BTG4: variants seen among roughly 807,000 people sequenced by gnomAD.
BTG4 encodes BTG anti-proliferation factor 4, also known as protein BTG4.
Under a neutral mutation model 19.3 loss-of-function variants are expected in BTG4, and 10 were observed. The observed-to-expected ratio is 0.52, with a 90% confidence interval of 0.32 to 0.88. The LOEUF is 0.88. Ranked by LOEUF, BTG4 falls within the 40% of genes least tolerant of loss-of-function variation. The pLI is 0.04. For synonymous variants in BTG4, 91 were observed against 95.7 expected (o/e 0.95, Z 0.29); for missense variants, 238 against 281.9 (o/e 0.84, Z 1.11).
the BTG4 span, among the ~76,000 whole-genome samples, chr11:111,432,224 C>T: frequency 7.1e-4 from 108 of 152,288 alleles, no homozygotes; most frequent in Middle Eastern, 3.4e-3. Context: ...CAGGGTATTT[C>T]GCTGTGGAGC....
At chr11:111,431,299 T>TTTTG in the BTG4 span, among the ~76,000 whole-genome samples, 2 of 152,184 alleles carry the variant, frequency 1.3e-5, no homozygotes, top group African/African-American at 4.8e-5. Flanking sequence ...TTGGAGCCCT[T>TTTTG]GATGTGTCAG....
the BTG4 span, among the ~76,000 whole-genome samples, chr11:111,391,986 G>C: frequency 1.3e-5 from 2 of 152,024 alleles, no homozygotes; most frequent in Non-Finnish European, 2.9e-5. Context: ...CAGTCACACA[G>C]TAAGCACTCA....
At chr11:111,454,949 AC>A in the BTG4 span, 3 of 455,736 alleles carry the variant, frequency 6.6e-6, no homozygotes, top group African/African-American at 6.0e-5. Context: ...CACTCAATCC[AC>A]CCTCTCTCAC....
At chr11:111,467,479 G>T, downstream of BTG4, 1 of 499,616 alleles carries the variant, frequency 2.0e-6, no homozygotes, top group Non-Finnish European at 3.5e-6. Flanking sequence ...CATCAATTTG[G>T]CTGATGCCAC....
At chr11:111,432,066 G>A in the BTG4 span, among the ~76,000 whole-genome samples, 2 of 152,200 alleles carry the variant, frequency 1.3e-5, no homozygotes, top group Admixed American at 1.3e-4. Flanking sequence ...GCACTTATGA[G>A]TACCTACTAT....
the BTG4 span, among the ~76,000 whole-genome samples, chr11:111,427,532 A>G: frequency 6.6e-6 from 1 of 152,220 alleles, no homozygotes; most frequent in African/African-American, 2.4e-5. Context: ...TCTGCCGCTA[A>G]TCCACCCTTT....
chr11:111,460,826 A>G, the BTG4 span, among the ~76,000 whole-genome samples: 46 of 152,362 alleles, frequency 3.0e-4, 1 homozygote, highest in Middle Eastern at 0.014. Flanking sequence ...ATACAATTTT[A>G]AAGTATGTCA....
chr11:111,427,897 G>A, the BTG4 span, among the ~76,000 whole-genome samples: 1 of 152,138 alleles, frequency 6.6e-6, no homozygotes, highest in Admixed American at 6.5e-5. Flanking sequence ...CACATCACAA[G>A]GCACAGGCTT....
intron 5 of BTG4, among the ~76,000 whole-genome samples, chr11:111,472,538 C>T (rs73013142): frequency 7.2e-4 from 109 of 152,286 alleles, no homozygotes; most frequent in Non-Finnish European, 1.3e-3. Flanking sequence ...TTACTCATCC[C>T]AAAATAGTGC....
At chr11:111,457,979 C>A in the BTG4 span, 5 of 152,714 alleles carry the variant, frequency 3.3e-5, no homozygotes, top group African/African-American at 9.6e-5. Context: ...CCAGACATTG[C>A]CCCATATGGG....
chr11:111,506,317 C>T, intron 1 of BTG4, among the ~76,000 whole-genome samples: 1 of 152,048 alleles, frequency 6.6e-6, no homozygotes, highest in East Asian at 1.9e-4. Flanking sequence ...AGAATGAAAT[C>T]ATGTCCTTTG....
chr11:111,423,762 A>G, the BTG4 span, among the ~76,000 whole-genome samples: 2 of 152,270 alleles, frequency 1.3e-5, no homozygotes, highest in Non-Finnish European at 1.5e-5. Context: ...AAATTAAGGC[A>G]TAGAAAGATG....
chr11:111,481,854 C>T (rs1241167295), intron 5 of BTG4, among the ~76,000 whole-genome samples: 1 of 151,386 alleles, frequency 6.6e-6, no homozygotes, highest in East Asian at 1.9e-4. Flanking sequence ...GTAGTATCTA[C>T]AAAATTGATG....
At chr11:111,507,374 T>C (rs1247071303) in intron 1 of BTG4, among the ~76,000 whole-genome samples, 1 of 152,162 alleles carries the variant, frequency 6.6e-6, no homozygotes, top group South Asian at 2.1e-4. Context: ...GTTTTTTGTT[T>C]TTTTGTTTTT....
chr11:111,434,349 A>G, the BTG4 span, among the ~76,000 whole-genome samples: 2 of 152,216 alleles, frequency 1.3e-5, no homozygotes, highest in Non-Finnish European at 2.9e-5. Context: ...GGAGTTGAAC[A>G]ATAAGAACAC....
chr11:111,404,480 G>A, the BTG4 span: 1 of 394,734 alleles, frequency 2.5e-6, no homozygotes, highest in Non-Finnish European at 5.0e-6. Context: ...GCATTTTCTA[G>A]GTCCCTAGAG....
At chr11:111,491,750 A>AC (rs397777526), downstream of BTG4, among the ~76,000 whole-genome samples, 1 of 148,948 alleles carries the variant, frequency 6.7e-6, no homozygotes, top group Admixed American at 6.7e-5. Flanking sequence ...AAAAAAAAAA[A>AC]GAAAGAAAGA....
the BTG4 span, among the ~76,000 whole-genome samples, chr11:111,444,377 T>C: frequency 1.3e-5 from 2 of 151,904 alleles, no homozygotes; most frequent in Non-Finnish European, 2.9e-5. Context: ...GTCTCACTTA[T>C]TTGTGGAATC....
chr11:111,399,794 G>T, the BTG4 span, among the ~76,000 whole-genome samples: 1 of 152,218 alleles, frequency 6.6e-6, no homozygotes, highest in African/African-American at 2.4e-5. Context: ...TAGAAGAGGT[G>T]TGGGACTTGC....
Sources: gnomAD v4.1 joint callset for allele counts (sites outside exome capture counted in the v4.1 genomes callset) on GRCh38, gnomAD v4.1.1 for gene constraint, MANE v1.5 for transcripts, NCBI Gene and HGNC (gene_info 2026-07-23, HGNC 2026-07-21) for gene names.